TM7SF3: variants seen among roughly 807,000 people sequenced by gnomAD.
The protein encoded by TM7SF3 is transmembrane 7 superfamily member 3, also known as seven span transmembrane protein.
Under a neutral mutation model 65.5 loss-of-function variants are expected in TM7SF3, and 60 were observed. The ratio of observed to expected loss-of-function variants is 0.92; its 90% CI spans 0.74 to 1.14. The LOEUF (loss-of-function observed/expected upper bound fraction) is 1.14, where lower values mean the gene tolerates loss of function less well. TM7SF3 is among the 50% of genes most tolerant of loss of function. The pLI, the probability that TM7SF3 is intolerant of heterozygous loss-of-function variation, is 0.00. For missense variants in TM7SF3, 623 were observed against 684.8 expected, an observed-to-expected ratio of 0.91 and a Z score of 1.01; for synonymous variants, 264 against 259.6, an observed-to-expected ratio of 1.02 and a Z score of -0.16.
At chr12:26,979,725 A>G (rs941911303) in intron 9 of TM7SF3, 59 bp downstream of exon 9, 82 of 1,583,142 alleles carry the variant, frequency 5.2e-5, no homozygotes, top group Non-Finnish European at 6.6e-5. Context: ...TGCAAATCCA[A>G]TTAGGCAGTA....
chr12:26,979,021 A>C (rs4963674), intron 9 of TM7SF3: 6,141 of 152,272 alleles, frequency 0.04, 187 homozygotes, highest in Non-Finnish European at 0.061. Context: ...TAGAAAAAAA[A>C]AGTCTTCAGA....
At chr12:26,997,840 T>A (rs2136429383) in intron 3 of TM7SF3, among the ~76,000 whole-genome samples, 1 of 150,148 alleles carries the variant, frequency 6.7e-6, no homozygotes, top group East Asian at 2.0e-4. Context: ...TTTTTTTTTT[T>A]TTTGAGACGG....
intron 1 of TM7SF3, among the ~76,000 whole-genome samples, chr12:27,006,737 G>C (rs1941053066): frequency 1.3e-5 from 2 of 152,142 alleles, no homozygotes; most frequent in Admixed American, 6.5e-5. Flanking sequence ...GTTTGATATT[G>C]CCCATTTAAC....
chr12:26,981,867 G>A (rs1939831593), intron 7 of TM7SF3, among the ~76,000 whole-genome samples: 1 of 152,162 alleles, frequency 6.6e-6, no homozygotes, highest in Admixed American at 6.5e-5. Context: ...GTTCTTCAGT[G>A]TGTTTCACTG....
At position 26,973,984 on chromosome 12, in the gene TM7SF3, CT is replaced by C. The variant is rs756081215; in HGVS notation, c.1693del (p.Arg565GlufsTer52). 1 of 1,614,164 alleles carries C rather than the reference CT, an allele frequency of 6.2e-7. No homozygotes were observed. Among genetic ancestry groups the C allele is most frequent in the South Asian group, 1.1e-5 (1 of 91,086 alleles). On this transcript the variant is annotated frameshift_variant, in exon 12 of 12. Transcript: ENST00000343028. LOFTEE classifies it high-confidence loss of function. ...LFQKEQPAGE[R>X]TPLLL ...GGGCATCTACAGAAGCAAAGGCGTT[CT>C]CTCTCCAGCTGGCTGCTCCTTCTGG...
intron 1 of TM7SF3, among the ~76,000 whole-genome samples, chr12:27,005,727 T>C (rs1941006239): frequency 1.3e-5 from 2 of 151,796 alleles, no homozygotes; most frequent in African/African-American, 4.8e-5. Flanking sequence ...TAAAATACAT[T>C]GTTAAACAAC....
intron 1 of TM7SF3, among the ~76,000 whole-genome samples, chr12:27,009,370 A>T (rs1326161840): frequency 6.6e-6 from 1 of 152,192 alleles, no homozygotes; most frequent in East Asian, 1.9e-4. Flanking sequence ...AAATATCTTT[A>T]TCTTTAGAAT....
rs142553458 is a variant in TM7SF3, at chr12:26,983,492, C to G, written c.869-633G>C. 3.5e-3 allele frequency: 1,560 copies of G among 449,724 alleles called. 5 individuals carry two copies. Among genetic ancestry groups the G allele is most frequent in the Non-Finnish European group, 5.4e-3 (1,199 of 222,812 alleles). 27.9% of individuals were successfully genotyped at this position (449,724 alleles called of 1,614,324 possible). On this transcript the variant is annotated intron_variant, in intron 6 of 11. Coordinates refer to ENST00000343028, the MANE Select transcript of TM7SF3 (RefSeq NM_016551.3). Reference sequence around the variant, plus strand: ...AGTGCTTATCTTTAAGGTATACATACTGAAATATTTGTGAGTAACATGATG... The same window carrying G: ...AGTGCTTATCTTTAAGGTATACATAGTGAAATATTTGTGAGTAACATGATG...
At chr12:26,975,695 T>C (rs1208359036) in intron 10 of TM7SF3, 37 bp from the exon 11 acceptor site, 1 of 1,606,342 alleles carries the variant, frequency 6.2e-7, no homozygotes, top group South Asian at 1.1e-5. Flanking sequence ...ATCATCCATG[T>C]TAGAACAAAA....
At chr12:27,005,043 G>A (rs1017080666) in intron 1 of TM7SF3, among the ~76,000 whole-genome samples, 1 of 152,102 alleles carries the variant, frequency 6.6e-6, no homozygotes, top group Admixed American at 6.5e-5. Context: ...TATTTTCCAG[G>A]CCTTCCCATT....
chr12:26,976,319 C>A lies in TM7SF3; in HGVS notation c.1228G>T (p.Val410Phe). The A allele has an allele frequency of 6.2e-7, 1 of 1,613,930 alleles. No homozygotes were observed. The highest frequency in any genetic ancestry group is 8.5e-7 in the Non-Finnish European group (1 of 1,179,934). The change falls in exon 10 of 12, where the codon GTC (valine) becomes TTC (phenylalanine). Residue 410 changes from valine to phenylalanine, a missense_variant. Transcript: ENST00000343028. The stretch of plus-strand genomic sequence containing the variant: ...AGGATAGCTATGCAAGAGAAAGTGA[C>A]CCAGAATACACCATCATCATGAAAA... ...KIFHDDGVFW[V>F]TFSCIAILIP... is the part of the protein sequence containing the mutation.
chr12:27,000,738 C>T (rs751765068), intron 2 of TM7SF3, among the ~76,000 whole-genome samples: 2 of 152,128 alleles, frequency 1.3e-5, no homozygotes, highest in Admixed American at 6.5e-5. Flanking sequence ...GGATTACAGG[C>T]GTGAGCCACC....
intron 3 of TM7SF3, among the ~76,000 whole-genome samples, chr12:26,998,111 G>A (rs1940676843): frequency 1.3e-5 from 2 of 152,118 alleles, no homozygotes; most frequent in Non-Finnish European, 1.5e-5. Context: ...GGGATTACAG[G>A]TGTGAGCCAC....
chr12:27,004,202 A>T (rs1188820937), intron 1 of TM7SF3, among the ~76,000 whole-genome samples: 1 of 152,142 alleles, frequency 6.6e-6, no homozygotes, highest in East Asian at 1.9e-4. Flanking sequence ...ACACCAGCTC[A>T]TCTTTTTTCA....
chr12:26,999,526 C>T lies in TM7SF3; in HGVS notation c.397G>A (p.Asp133Asn). Residue 133 changes from aspartate (D) to asparagine (N), a missense_variant and splice_region_variant, in exon 3 of 12, where the codon GAT becomes AAT. Asp to Asn is a conservative substitution (Grantham distance 23). Transcript: ENST00000343028. ...MAILLSYSER[D>N]PVPGGCNLEF... ...AGGGAGGAGAAGACAGAAGGGTTAC[C>T]TCTTTCTGAGTAGGAGAGTAGGATA... 2.5e-6 allele frequency: 4 copies of T among 1,613,924 alleles called. No homozygotes were observed. Among genetic ancestry groups the T allele is most frequent in the Non-Finnish European group, 3.4e-6 (4 of 1,179,892 alleles).
intron 2 of TM7SF3, among the ~76,000 whole-genome samples, chr12:27,000,584 C>G (rs566197557): frequency 6.6e-6 from 1 of 152,186 alleles, no homozygotes; most frequent in East Asian, 1.9e-4. Context: ...CTCAGCCTCC[C>G]AAGTAGCTGG....
At chr12:26,997,269 G>GC (rs2136427961) in intron 3 of TM7SF3, among the ~76,000 whole-genome samples, 1 of 152,298 alleles carries the variant, frequency 6.6e-6, no homozygotes, top group Admixed American at 6.5e-5. Flanking sequence ...TCTGTAGTTT[G>GC]CCAACCTTTC....
intron 1 of TM7SF3, among the ~76,000 whole-genome samples, chr12:27,008,592 T>G (rs7299556): frequency 6.6e-6 from 1 of 151,940 alleles, no homozygotes; most frequent in Admixed American, 6.6e-5. Flanking sequence ...TTTGTCAACA[T>G]ATACCAAGAT....
Position 26,973,697 on chromosome 12 carries a change from T to C in TM7SF3, c.*268A>G, listed in dbSNP as rs1939450192. 8.1e-6 allele frequency: 3 copies of C among 369,942 alleles called. No individual in the cohort carries two copies. Among genetic ancestry groups the C allele is most frequent in the African/African-American group, 4.1e-5 (2 of 48,208 alleles). 22.9% of individuals were successfully genotyped at this position (369,942 alleles called of 1,614,324 possible). A position where few individuals can be genotyped will look rare whatever the true frequency, so the allele number is the denominator to read the frequency against. On this transcript the variant is annotated 3_prime_UTR_variant, in exon 12 of 12. Transcript: ENST00000343028. ...TCTATTTAATGGAATAAGTTGATCATAGATTTGTAAACCAAAAGGTAATTT... is the reference window on the plus strand; with the variant it reads ...TCTATTTAATGGAATAAGTTGATCACAGATTTGTAAACCAAAAGGTAATTT...
Sources: gnomAD v4.1 joint callset for allele counts (sites outside exome capture counted in the v4.1 genomes callset) on GRCh38, gnomAD v4.1.1 for gene constraint, MANE v1.5 for transcripts, NCBI Gene and HGNC (gene_info 2026-07-23, HGNC 2026-07-21) for gene names.